Variants in TIGAR observed in about 807,000 individuals in gnomAD.
TIGAR encodes the protein TP53 induced glycolysis regulatory phosphatase.
In TIGAR, 7 loss-of-function variants were observed where a neutral mutation model predicts 17.9. That is an observed-to-expected ratio of 0.39 (90% CI 0.22 to 0.73). The LOEUF is 0.73. TIGAR is among the 30% of genes least tolerant of loss of function. The pLI, the probability that TIGAR is intolerant of heterozygous loss-of-function variation, is 0.42. For missense variants in TIGAR, 258 were observed against 327.4 expected (o/e 0.79, Z 1.64); for synonymous variants, 94 against 108.6 (o/e 0.87, Z 0.84).
intron 3 of TIGAR, among the ~76,000 whole-genome samples, chr12:4,347,705 A>T (rs1002236011): frequency 6.6e-6 from 1 of 152,226 alleles, no homozygotes; most frequent in African/African-American, 2.4e-5. Flanking sequence ...ATTAAAAATT[A>T]AAATACAAAC....
Position 4,321,243 on chromosome 12 carries a change from G to T in TIGAR, c.-29G>T, listed in dbSNP as rs1034641726. On this transcript the variant is annotated 5_prime_UTR_variant, in exon 1 of 6. Transcript: ENST00000179259. The surrounding 1 kb of genome is among the most constrained non-coding windows in gnomAD (Gnocchi z 5.2). ...GCAGTGCAGGGGCAGCGCGGCGCGG[G>T]GCCACCGACGGGACGCGGCTCCGGG... The T allele has an allele frequency of 1.9e-6, 3 of 1,600,124 alleles. No homozygotes were observed. Among genetic ancestry groups the T allele is most frequent in the Non-Finnish European group, 1.7e-6 (2 of 1,179,736 alleles).
Position 4,321,436 on chromosome 12 carries a change from C to G in TIGAR, c.32+133C>G. The G allele has an allele frequency of 7.4e-7, 1 of 1,357,968 alleles. No individual in the cohort carries two copies. The highest frequency in any genetic ancestry group is 1.0e-6 in the Non-Finnish European group (1 of 993,504). The allele number at this position is 1,357,968 out of a possible 1,614,324, so 84.1% of individuals were successfully genotyped here. On this transcript the variant is annotated intron_variant, in intron 1 of 5. Coordinates refer to ENST00000179259, the MANE Select transcript of TIGAR (RefSeq NM_020375.3). This position sits in a 1 kb window ranked among gnomAD's most constrained non-coding sequence, Gnocchi z 5.2. Reference sequence around the variant, plus strand: ...GCCCGGGAGGGCTGGCTTGGAAGCGCTTTTTCCGGGGCGCTTGCCCTGGGG... The same window carrying G: ...GCCCGGGAGGGCTGGCTTGGAAGCGGTTTTTCCGGGGCGCTTGCCCTGGGG...
chr12:4,321,991 T>G lies in TIGAR; in HGVS notation c.32+688T>G, dbSNP rs1423218797. Among the ~76,000 whole-genome samples, 1 of 115,368 alleles carries G rather than the reference T, an allele frequency of 8.7e-6. No individual in the cohort carries two copies. Among genetic ancestry groups the G allele is most frequent in the Non-Finnish European group, 1.9e-5 (1 of 51,528 alleles). The allele number at this position is 115,368 out of a possible 152,430, so 75.7% of individuals were successfully genotyped here. A position where few individuals can be genotyped will look rare whatever the true frequency, so the allele number is the denominator to read the frequency against. Reference sequence around the variant, plus strand: ...CAGGGTAGTTAAGAGCACAGATTTTTATTTTTATTTTTTTTTTTTTGTGAG... The same window carrying G: ...CAGGGTAGTTAAGAGCACAGATTTTGATTTTTATTTTTTTTTTTTTGTGAG... On this transcript the variant is annotated intron_variant, in intron 1 of 5. Coordinates refer to ENST00000179259, the MANE Select transcript of TIGAR (RefSeq NM_020375.3). The surrounding 1 kb of genome is among the most constrained non-coding windows in gnomAD (Gnocchi z 5.2).
At chr12:4,336,937 A>G in intron 2 of TIGAR, 102 bp from the exon 3 acceptor site, 9 of 1,306,110 alleles carry the variant, frequency 6.9e-6, no homozygotes, top group Non-Finnish European at 9.1e-6. Flanking sequence ...AAAATCTTTC[A>G]TTAAAATTTA....
rs887903778 is a variant in TIGAR at position 4,354,950 on chromosome 12, T to C, written c.*2259T>C. ...TTCGCCATGTTGGCCAGGCTGGTCT[T>C]GAACTTCTGACCTCAGGTGATCCAC... On this transcript the variant is annotated 3_prime_UTR_variant, in exon 6 of 6. Transcript: ENST00000179259. Among the ~76,000 whole-genome samples the C allele has an allele frequency of 5.3e-5, 8 of 151,846 alleles. No homozygotes were observed. The highest frequency in any genetic ancestry group is 8.8e-5 in the Non-Finnish European group (6 of 67,910).
rs1258600913 is a variant in TIGAR at position 4,321,301 on chromosome 12, G to C, written c.30G>C (p.Arg10=). 3.7e-6 allele frequency: 6 copies of C among 1,601,348 alleles called. No homozygotes were observed. The highest frequency in any genetic ancestry group is 5.1e-6 in the Non-Finnish European group (6 of 1,179,800). ...CTCGCTTCGCTCTGACTGTTGTCCG[G>C]CAGTGAGTATGGCTGTGGCAGGATG... is the stretch of plus-strand genomic sequence containing the variant. MARFALTVV[R]HGETRFNKEK... is the part of the protein sequence containing the mutation. The change falls in exon 1 of 6, where the codon CGG becomes CGC. Residue 10 remains arginine (R), a splice_region_variant and synonymous_variant. Coordinates refer to ENST00000179259, the MANE Select transcript of TIGAR (RefSeq NM_020375.3). The surrounding 1 kb of genome is among the most constrained non-coding windows in gnomAD (Gnocchi z 5.2).
rs188942205 is a variant in TIGAR at position 4,321,667 on chromosome 12, A to G, written c.32+364A>G. Among the ~76,000 whole-genome samples, 4 of 152,300 alleles carry G rather than the reference A, an allele frequency of 2.6e-5. No individual in the cohort carries two copies. Among genetic ancestry groups the G allele is most frequent in the Non-Finnish European group, 5.9e-5 (4 of 68,012 alleles). ...CCGATTTTGCTCCCCAGCAGATTGC[A>G]AAGAGTTTGCAGAATTGCTCGTCCA... On this transcript the variant is annotated intron_variant, in intron 1 of 5. Coordinates refer to ENST00000179259, the MANE Select transcript of TIGAR (RefSeq NM_020375.3). This position sits in a 1 kb window ranked among gnomAD's most constrained non-coding sequence, Gnocchi z 5.2.
chr12:4,339,865 C>G (rs10849041), intron 3 of TIGAR, among the ~76,000 whole-genome samples: 7,379 of 152,096 alleles, frequency 0.049, 521 homozygotes, highest in East Asian at 0.33. Context: ...GATGAAAACC[C>G]AAAAACAACC....
At chr12:4,345,661 A>G (rs559137436) in intron 3 of TIGAR, among the ~76,000 whole-genome samples, 1 of 152,364 alleles carries the variant, frequency 6.6e-6, no homozygotes, top group African/African-American at 2.4e-5. Context: ...AAACCCTAGA[A>G]GAAAACCTAG....
At chr12:4,329,138 C>T (rs1230333059) in intron 1 of TIGAR, among the ~76,000 whole-genome samples, 2 of 152,056 alleles carry the variant, frequency 1.3e-5, no homozygotes, top group East Asian at 1.9e-4. Context: ...TCTTGGTGAG[C>T]ATTCCATATC....
rs186264104 is a variant in TIGAR at position 4,359,219 on chromosome 12, A to G, written c.*6528A>G. 6.6e-6 allele frequency among the ~76,000 whole-genome samples: 1 copy of G among 152,080 alleles called. No homozygotes were observed. Among genetic ancestry groups the G allele is most frequent in the African/African-American group, 2.4e-5 (1 of 41,462 alleles). ...CCCTTCTTGCCTACTTATTTATGTC[A>G]GTATGAGCTCAGAAGTTCTTATTCA... On this transcript the variant is annotated 3_prime_UTR_variant, in exon 6 of 6. Transcript: ENST00000179259.
rs900393676 is a variant in TIGAR, at chr12:4,357,830, G to A, written c.*5139G>A. On this transcript the variant is annotated 3_prime_UTR_variant, in exon 6 of 6. Coordinates refer to ENST00000179259, the MANE Select transcript of TIGAR (RefSeq NM_020375.3). ...CAAGCAATCGCTGAGGTGGCTGGGC[G>A]TGGTGGCTCGCACCTGTAATCCCAG... 2.2e-4 allele frequency among the ~76,000 whole-genome samples: 34 copies of A among 151,168 alleles called. No individual in the cohort carries two copies. Among genetic ancestry groups the A allele is most frequent in the African/African-American group, 4.3e-4 (18 of 41,454 alleles).
At chr12:4,342,568 TG>T (rs1162411826) in intron 3 of TIGAR, among the ~76,000 whole-genome samples, 2 of 151,900 alleles carry the variant, frequency 1.3e-5, no homozygotes, top group African/African-American at 2.4e-5. Context: ...CAGAAGAGAG[TG>T]GGGGCCAATA....
rs1458634386 is a variant in TIGAR, at chr12:4,357,244, C to T, written c.*4553C>T. ...TATTACATTTACAAGTAGATGAATT[C>T]GTGTAAGTTAAATGGTTCTATTATA... On this transcript the variant is annotated 3_prime_UTR_variant, in exon 6 of 6. Coordinates refer to ENST00000179259, the MANE Select transcript of TIGAR (RefSeq NM_020375.3). Among the ~76,000 whole-genome samples, 2 of 152,108 alleles carry T rather than the reference C, an allele frequency of 1.3e-5. No homozygotes were observed. The highest frequency in any genetic ancestry group is 6.5e-5 in the Admixed American group (1 of 15,282).
chr12:4,327,165 T>A (rs1356865133), intron 1 of TIGAR, among the ~76,000 whole-genome samples: 1 of 152,056 alleles, frequency 6.6e-6, no homozygotes, highest in Non-Finnish European at 1.5e-5. Context: ...TCCCAGCACT[T>A]TGGGAGGCCG....
rs1591657372 is a variant in TIGAR, at chr12:4,321,789, A to T, written c.32+486A>T. On this transcript the variant is annotated intron_variant, in intron 1 of 5. Coordinates refer to ENST00000179259, the MANE Select transcript of TIGAR (RefSeq NM_020375.3). This position sits in a 1 kb window ranked among gnomAD's most constrained non-coding sequence, Gnocchi z 5.2. Reference sequence around the variant, plus strand: ...GGCAGTCAGCCCCCCAGGCACATATATGAGACTTCTTTCTTTTCCCCAGAG... The same window carrying T: ...GGCAGTCAGCCCCCCAGGCACATATTTGAGACTTCTTTCTTTTCCCCAGAG... Among the ~76,000 whole-genome samples the T allele has an allele frequency of 6.6e-6, 1 of 152,216 alleles. No individual in the cohort carries two copies. Among genetic ancestry groups the T allele is most frequent in the South Asian group, 2.1e-4 (1 of 4,826 alleles).
chr12:4,358,725 CT>C lies in TIGAR; in HGVS notation c.*6047del, dbSNP rs201324724. On this transcript the variant is annotated 3_prime_UTR_variant, in exon 6 of 6. Coordinates refer to ENST00000179259, the MANE Select transcript of TIGAR (RefSeq NM_020375.3). ...AATTATTTTGTTGATGTACCTGTGG[CT>C]TTTTTTTTTTTTCTGAATCAAGAAT... 7.1e-3 allele frequency among the ~76,000 whole-genome samples: 1,006 copies of C among 141,610 alleles called. 7 individuals carry two copies. Among genetic ancestry groups the C allele is most frequent in the African/African-American group, 0.018 (698 of 38,996 alleles). The allele number at this position is 141,610 out of a possible 152,430, so 92.9% of individuals were successfully genotyped here.
intron 3 of TIGAR, among the ~76,000 whole-genome samples, chr12:4,348,939 G>A (rs940594126): frequency 1.3e-5 from 2 of 152,174 alleles, no homozygotes; most frequent in Non-Finnish European, 2.9e-5. Context: ...CTATATTTTT[G>A]TATAGGTGAA....
At chr12:4,327,163 C>T (rs1272681742) in intron 1 of TIGAR, among the ~76,000 whole-genome samples, 1 of 152,084 alleles carries the variant, frequency 6.6e-6, no homozygotes, top group East Asian at 1.9e-4. Flanking sequence ...AATCCCAGCA[C>T]TTTGGGAGGC....
Sources: allele counts gnomAD v4.1 joint callset (sites outside exome capture counted in the v4.1 genomes callset), GRCh38; gene constraint gnomAD v4.1.1; non-coding constraint Gnocchi (gnomAD v3.1); transcripts MANE v1.5; gene names NCBI Gene and HGNC (gene_info 2026-07-23, HGNC 2026-07-21).